Variants in NRG1 observed in about 807,000 individuals in gnomAD.
NRG1 encodes pro-neuregulin-1, membrane-bound isoform.
In NRG1, 18 loss-of-function variants were observed where a neutral mutation model predicts 63.8. That is an observed-to-expected ratio of 0.28 (90% confidence interval 0.19 to 0.42). The LOEUF (loss-of-function observed/expected upper bound fraction) is 0.42. NRG1 is among the 10% of genes least tolerant of loss of function. The pLI is 1.00. For missense variants in NRG1, 762 were observed against 814.7 expected (o/e 0.94, Z 0.79); for synonymous variants, 302 against 301.3 (o/e 1.00, Z -0.02).
chr8:31,909,945 C>A (rs1832808207), intron 1 of NRG1, among the ~76,000 whole-genome samples: 5 of 152,082 alleles, frequency 3.3e-5, no homozygotes, highest in Admixed American at 3.3e-4. Context: ...GTGAACATGG[C>A]AGATGTGGCA....
At chr8:32,040,269 C>A (rs939011069) in intron 1 of NRG1, among the ~76,000 whole-genome samples, 3 of 152,174 alleles carry the variant, frequency 2.0e-5, no homozygotes, top group Non-Finnish European at 4.4e-5. Flanking sequence ...ACCTGAGCAA[C>A]CATTTGCCTA....
At chr8:32,280,708 T>C (rs1172514730) in intron 1 of NRG1, among the ~76,000 whole-genome samples, 2 of 143,374 alleles carry the variant, frequency 1.4e-5, no homozygotes, top group African/African-American at 2.6e-5. Flanking sequence ...TTTTTTTTTT[T>C]TTTTTTCAGA....
chr8:31,907,965 T>G (rs1049277963), intron 1 of NRG1, among the ~76,000 whole-genome samples: 1 of 152,154 alleles, frequency 6.6e-6, no homozygotes, highest in African/African-American at 2.4e-5. Context: ...TAATTTAAAT[T>G]GAAGAAGCTT....
intron 5 of NRG1, among the ~76,000 whole-genome samples, chr8:32,688,194 A>G (rs1334875678): frequency 1.3e-5 from 2 of 152,206 alleles, no homozygotes; most frequent in East Asian, 1.9e-4. Flanking sequence ...AATAAAAGGA[A>G]GAAAGAATAA....
intron 1 of NRG1, among the ~76,000 whole-genome samples, chr8:31,814,435 G>A (rs1446879518): frequency 6.6e-6 from 1 of 152,128 alleles, no homozygotes; most frequent in Non-Finnish European, 1.5e-5. Flanking sequence ...AAACCACTTT[G>A]TAGATTTTTT....
At chr8:32,613,519 T>G (rs1016690806) in intron 3 of NRG1, among the ~76,000 whole-genome samples, 3 of 152,030 alleles carry the variant, frequency 2.0e-5, no homozygotes, top group African/African-American at 7.2e-5. Context: ...AGTTTTCTAC[T>G]CCATTATTAA....
At chr8:32,294,950 A>G (rs17630967) in intron 1 of NRG1, among the ~76,000 whole-genome samples, 8,456 of 152,222 alleles carry the variant, frequency 0.056, 278 homozygotes, top group South Asian at 0.071. Context: ...AACATCCACA[A>G]ACTAACACCT....
intron 1 of NRG1, among the ~76,000 whole-genome samples, chr8:31,929,949 G>T (rs1318658104): frequency 2.0e-5 from 3 of 152,134 alleles, no homozygotes; most frequent in Non-Finnish European, 4.4e-5. Flanking sequence ...ATCTTCCCCT[G>T]CAAAGAATTC....
intron 1 of NRG1, among the ~76,000 whole-genome samples, chr8:32,200,860 CA>C (rs752599845): frequency 3.8e-4 from 58 of 152,260 alleles, no homozygotes; most frequent in Non-Finnish European, 7.5e-4. Flanking sequence ...TAGATTCCTT[CA>C]GGGGTAAAAT....
At chr8:32,098,615 A>C (rs1830174489) in intron 1 of NRG1, 1 of 152,148 alleles carries the variant, frequency 6.6e-6, no homozygotes, top group South Asian at 2.1e-4. Context: ...TTTAGTGTAA[A>C]ATGTTTCACA....
At chr8:32,524,330 T>C (rs1435460085) in intron 1 of NRG1, among the ~76,000 whole-genome samples, 1 of 152,122 alleles carries the variant, frequency 6.6e-6, no homozygotes, top group Non-Finnish European at 1.5e-5. Context: ...AAGCAATGTT[T>C]AACAGTGCCT....
intron 1 of NRG1, among the ~76,000 whole-genome samples, chr8:32,290,517 G>GA (rs937382950): frequency 1.1e-4 from 17 of 152,170 alleles, no homozygotes; most frequent in South Asian, 4.2e-4. Context: ...AGCTTTCCGA[G>GA]ATTTTTTTGA....
chr8:32,307,591 GT>G (rs1338670354), intron 1 of NRG1, among the ~76,000 whole-genome samples: 8 of 32,118 alleles, frequency 2.5e-4, no homozygotes, highest in African/African-American at 7.1e-4. Flanking sequence ...CCAGGGGTTT[GT>G]GTGTGTGTGT....
intron 1 of NRG1, among the ~76,000 whole-genome samples, chr8:32,219,923 T>C (rs1407082344): frequency 6.6e-6 from 1 of 152,174 alleles, no homozygotes; most frequent in African/African-American, 2.4e-5. Context: ...TTGGTGTCCT[T>C]TGCTATGAAT....
chr8:32,513,347 T>A (rs1293005160), intron 1 of NRG1, among the ~76,000 whole-genome samples: 2 of 150,806 alleles, frequency 1.3e-5, no homozygotes, highest in Admixed American at 6.7e-5. Context: ...AAAGAGGAAA[T>A]ATATCCTGTC....
intron 1 of NRG1, among the ~76,000 whole-genome samples, chr8:31,844,198 G>C (rs1033462828): frequency 5.3e-5 from 8 of 152,186 alleles, no homozygotes; most frequent in African/African-American, 1.9e-4. Context: ...TGGGATGAGA[G>C]GTGGGTGCTG....
intron 1 of NRG1, among the ~76,000 whole-genome samples, chr8:32,524,872 T>G (rs1830672186): frequency 6.6e-6 from 1 of 152,188 alleles, no homozygotes; most frequent in Non-Finnish European, 1.5e-5. Flanking sequence ...GCTCATCACA[T>G]GAATAGAATT....
rs1803670571 is a variant in NRG1 at position 31,640,679 on chromosome 8, C to T, written c.37+1248C>T. Reference sequence around the variant, plus strand: ...CGAGCCTCTTTCCCCCCTCTGGAGACGGGCCGGAACCTCAAGAAGGAGGTC... The same window carrying T: ...CGAGCCTCTTTCCCCCCTCTGGAGATGGGCCGGAACCTCAAGAAGGAGGTC... On this transcript the variant is annotated intron_variant, in intron 1 of 10. Transcript: ENST00000519301. The surrounding 1 kb of genome is among the most constrained non-coding windows in gnomAD (Gnocchi z 6.3). 3 of 1,607,212 alleles carry T rather than the reference C, an allele frequency of 1.9e-6. No individual in the cohort carries two copies. The highest frequency in any genetic ancestry group is 2.3e-5 in the East Asian group (1 of 44,424).
chr8:31,813,511 CTTTTCTTTTT>C (rs1299559044), intron 1 of NRG1, among the ~76,000 whole-genome samples: 2 of 62,344 alleles, frequency 3.2e-5, no homozygotes, highest in Admixed American at 1.8e-4. Context: ...CTTTTCTTTT[CTTTTCTTTTT>C]TTTTTTTTTT....
Sources: gnomAD v4.1 joint callset for allele counts (sites outside exome capture counted in the v4.1 genomes callset) on GRCh38, gnomAD v4.1.1 for gene constraint, Gnocchi (gnomAD v3.1) non-coding constraint, MANE v1.5 for transcripts, NCBI Gene and HGNC (gene_info 2026-07-23, HGNC 2026-07-21) for gene names.